Variants in UFSP2 observed in about 807,000 individuals in gnomAD.
The protein encoded by UFSP2 is UFM1 specific peptidase 2.
Under a neutral mutation model 60.2 loss-of-function variants are expected in UFSP2, and 43 were observed. The ratio of observed to expected loss-of-function variants is 0.71; its 90% confidence interval spans 0.56 to 0.92. The LOEUF (loss-of-function observed/expected upper bound fraction) is 0.92, where lower values mean the gene tolerates loss of function less well. Ranked by LOEUF, UFSP2 falls within the 40% of genes least tolerant of loss-of-function variation. The pLI is 0.00. For missense variants in UFSP2, 520 were observed against 575.0 expected, an observed-to-expected ratio of 0.90 and a Z score of 0.98; for synonymous variants, 183 against 195.1, an observed-to-expected ratio of 0.94 and a Z score of 0.52.
chr4:185,425,949 G>A lies in UFSP2; in HGVS notation c.-81C>T. The stretch of plus-strand genomic sequence containing the variant: ...CGGCCCTGAAGTGGTGTCACCGCAC[G>A]GCCCAGGGGCGGGGCCCGGGCGGAC... On this transcript the variant is annotated 5_prime_UTR_variant, in exon 1 of 12. Coordinates refer to ENST00000264689, the MANE Select transcript of UFSP2 (RefSeq NM_018359.5). 1 of 1,517,680 alleles carries A rather than the reference G, an allele frequency of 6.6e-7. No individual in the cohort carries two copies. Among genetic ancestry groups the A allele is most frequent in the Non-Finnish European group, 9.0e-7 (1 of 1,117,062 alleles). The allele number at this position is 1,517,680 out of a possible 1,614,324, so 94.0% of individuals were successfully genotyped here.
chr4:185,400,118 C>A lies in UFSP2; in HGVS notation c.*274G>T. ...ACCATATGTTGTGTCTAATCTCCTT[C>A]TGAGAAGGACGAAAAACTTTCTTCC... is the stretch of plus-strand genomic sequence containing the variant. On this transcript the variant is annotated 3_prime_UTR_variant, in exon 12 of 12. Transcript: ENST00000264689. 8.8e-7 allele frequency: 1 copy of A among 1,138,168 alleles called. No homozygotes were observed. Among genetic ancestry groups the A allele is most frequent in the Non-Finnish European group, 1.3e-6 (1 of 787,938 alleles). The allele number at this position is 1,138,168 out of a possible 1,614,324, so 70.5% of individuals were successfully genotyped here. A position where few individuals can be genotyped will look rare whatever the true frequency, so the allele number is the denominator to read the frequency against.
At chr4:185,414,376 A>T (rs1169315777) in intron 6 of UFSP2, among the ~76,000 whole-genome samples, 1 of 152,220 alleles carries the variant, frequency 6.6e-6, no homozygotes, top group Non-Finnish European at 1.5e-5. Context: ...AAATACACAT[A>T]TATGTTTAAA....
chr4:185,405,101 CAATCCTCCCACCT>C (rs1233764759), intron 10 of UFSP2, among the ~76,000 whole-genome samples: 1 of 150,948 alleles, frequency 6.6e-6, no homozygotes, highest in Non-Finnish European at 1.5e-5. Context: ...TGGGCTCAAG[CAATCCTCCCACCT>C]CAGTCTCCTG....
chr4:185,422,821 A>C (rs946647230), intron 1 of UFSP2, among the ~76,000 whole-genome samples: 1 of 152,194 alleles, frequency 6.6e-6, no homozygotes, highest in Non-Finnish European at 1.5e-5. Context: ...CTGTACCCCC[A>C]GAGATTCTGA....
At chr4:185,412,036 A>C (rs1334100915) in intron 7 of UFSP2, among the ~76,000 whole-genome samples, 1 of 152,182 alleles carries the variant, frequency 6.6e-6, no homozygotes, top group Admixed American at 6.5e-5. Flanking sequence ...GAGGAGGCAG[A>C]GGAGTGGGTA....
chr4:185,399,668 C>T lies in UFSP2; in HGVS notation c.*724G>A. On this transcript the variant is annotated 3_prime_UTR_variant, in exon 12 of 12. Coordinates refer to ENST00000264689, the MANE Select transcript of UFSP2 (RefSeq NM_018359.5). ...CTTACAACAATTAAATGTATGCAGA[C>T]AATAAAAGCAAGTGAACACCCTGAC... 6.2e-7 allele frequency: 1 copy of T among 1,614,096 alleles called. No homozygotes were observed.
chr4:185,399,921 A>T lies in UFSP2; in HGVS notation c.*471T>A. The T allele has an allele frequency of 1.3e-6, 2 of 1,546,800 alleles. No individual in the cohort carries two copies. The highest frequency in any genetic ancestry group is 1.7e-6 in the Non-Finnish European group (2 of 1,150,852). On this transcript the variant is annotated 3_prime_UTR_variant, in exon 12 of 12. Transcript: ENST00000264689. The stretch of plus-strand genomic sequence containing the variant: ...TTTTAGTACTGGTTATACTTACCAG[A>T]GTCTAGAGACCAAAAATGGGACTGC...
chr4:185,408,524 T>C (rs1468873620), intron 7 of UFSP2, 89 bp from the exon 8 acceptor site: 1 of 1,339,392 alleles, frequency 7.5e-7, no homozygotes. Flanking sequence ...TTAATGTTCT[T>C]AGAGTTAGAC....
intron 9 of UFSP2, chr4:185,406,068 G>C: frequency 9.5e-7 from 1 of 1,058,178 alleles, no homozygotes; most frequent in Non-Finnish European, 1.4e-6. Context: ...CACCAAGTGT[G>C]CTAGATAAGA....
At chr4:185,411,868 A>T (rs1484826827) in intron 7 of UFSP2, among the ~76,000 whole-genome samples, 1 of 152,250 alleles carries the variant, frequency 6.6e-6, no homozygotes, top group Non-Finnish European at 1.5e-5. Flanking sequence ...TGCAGAGACT[A>T]CGTACAGAAT....
chr4:185,403,850 G>A (rs1333047329), intron 10 of UFSP2, among the ~76,000 whole-genome samples: 5 of 150,880 alleles, frequency 3.3e-5, no homozygotes, highest in Non-Finnish European at 7.4e-5. Context: ...GGTGGCAGGC[G>A]CCTGTAGTCC....
chr4:185,403,445 T>A, intron 11 of UFSP2, 49 bp downstream of exon 11: 1 of 1,596,764 alleles, frequency 6.3e-7, no homozygotes, highest in African/African-American at 1.3e-5. Context: ...GATCCTTCAT[T>A]TCTAGCTTCT....
intron 7 of UFSP2, among the ~76,000 whole-genome samples, chr4:185,410,434 A>C (rs2095527235): frequency 6.7e-6 from 1 of 149,832 alleles, no homozygotes; most frequent in Admixed American, 6.6e-5. Flanking sequence ...AGATCACCTA[A>C]AGTCAGGAGT....
intron 2 of UFSP2, among the ~76,000 whole-genome samples, chr4:185,419,898 G>T (rs1033449104): frequency 6.6e-6 from 1 of 152,172 alleles, no homozygotes; most frequent in African/African-American, 2.4e-5. Flanking sequence ...GTTTCTGTGT[G>T]GATGTGTTTT....
chr4:185,409,169 C>T (rs1358640821), intron 7 of UFSP2, among the ~76,000 whole-genome samples: 1 of 152,010 alleles, frequency 6.6e-6, no homozygotes, highest in Non-Finnish European at 1.5e-5. Context: ...AATGAAGGGT[C>T]CATATCATGG....
In UFSP2 at chr4:185,422,539, G is replaced by A. The variant is rs1240113310; in HGVS notation, c.28C>T (p.Leu10Phe). ...TCAAGGCCTCCTCTTATTCTGAAGA[G>A]TATATCCATACTTTCTGAAATCACC... is the stretch of plus-strand genomic sequence containing the variant. MVISESMDI[L>F]FRIRGGLDLA... is the part of the protein sequence containing the mutation. Residue 10 changes from leucine to phenylalanine, a missense_variant, in exon 2 of 12, where the codon CTC (leucine) becomes TTC (phenylalanine). Leu to Phe is a conservative substitution (Grantham distance 22, BLOSUM62 0). Coordinates refer to ENST00000264689, the MANE Select transcript of UFSP2 (RefSeq NM_018359.5). The A allele has an allele frequency of 3.1e-6, 5 of 1,610,476 alleles. No individual in the cohort carries two copies. The African/African-American group carries it at 4.0e-5, about 13-fold the overall frequency.
At chr4:185,423,871 C>T (rs1183609209) in intron 1 of UFSP2, among the ~76,000 whole-genome samples, 1 of 152,118 alleles carries the variant, frequency 6.6e-6, no homozygotes, top group Admixed American at 6.6e-5. Flanking sequence ...CGGGAGATTT[C>T]TTTTGGGAAG....
chr4:185,411,028 CAAAG>C (rs1006684401), intron 7 of UFSP2, among the ~76,000 whole-genome samples: 15 of 145,060 alleles, frequency 1.0e-4, no homozygotes, highest in Admixed American at 2.1e-4. Context: ...GACAATAAAT[CAAAG>C]AAAGAGCAAA....
chr4:185,411,119 G>GT (rs199933106), intron 7 of UFSP2, among the ~76,000 whole-genome samples: 4 of 147,596 alleles, frequency 2.7e-5, no homozygotes, highest in Non-Finnish European at 3.0e-5. Flanking sequence ...AAAGCCAAAA[G>GT]TTTTTTTTTT....
Sources: gnomAD v4.1 joint callset for allele counts (sites outside exome capture counted in the v4.1 genomes callset) on GRCh38, gnomAD v4.1.1 for gene constraint, MANE v1.5 for transcripts, NCBI Gene and HGNC (gene_info 2026-07-23, HGNC 2026-07-21) for gene names.